The following DPP10 variants were observed in gnomAD, a reference collection of about 807,000 sequenced individuals.
DPP10 encodes dipeptidyl peptidase like 10, also known as inactive dipeptidyl peptidase 10.
In DPP10, 33 loss-of-function variants were observed where a neutral mutation model predicts 120.9. The ratio of observed to expected loss-of-function variants is 0.27; its 90% CI spans 0.21 to 0.37. The LOEUF (loss-of-function observed/expected upper bound fraction) is 0.37. Ranked by LOEUF, DPP10 falls within the 10% of genes least tolerant of loss-of-function variation. The pLI, the probability that DPP10 is intolerant of heterozygous loss-of-function variation, is 1.00. For synonymous variants in DPP10, 337 were observed against 326.1 expected, an observed-to-expected ratio of 1.03 and a Z score of -0.36; for missense variants, 816 against 942.8, an observed-to-expected ratio of 0.87 and a Z score of 1.76.
At chr2:114,473,206 G>A (rs1401904508) in intron 1 of DPP10, among the ~76,000 whole-genome samples, 4 of 152,058 alleles carry the variant, frequency 2.6e-5, no homozygotes, top group Middle Eastern at 3.2e-3. Flanking sequence ...GTGAACAATA[G>A]AAGGCATTTA....
rs370704208 is a variant in DPP10, at chr2:115,067,029, CAACTTTATGTCATTTTACCA to C, written c.61-242208_61-242189del. Among the ~76,000 whole-genome samples the C allele has an allele frequency of 9.2e-3, 1,395 of 152,208 alleles. 26 individuals carry two copies. Among genetic ancestry groups the C allele is most frequent in the African/African-American group, 0.032 (1,331 of 41,540 alleles). On this transcript the variant is annotated intron_variant, in intron 1 of 25. Coordinates refer to ENST00000410059, the MANE Select transcript of DPP10 (RefSeq NM_020868.6). ...AAAACTAATTCATTCTGCATAACTG[CAACTTTATGTCATTTTACCA>C]ATGTCTCCTCTTTTCCCTCACTCTC...
chr2:115,366,734 G>T (rs1409092566), intron 3 of DPP10, among the ~76,000 whole-genome samples: 1 of 152,042 alleles, frequency 6.6e-6, no homozygotes. Context: ...ATCCACAGGT[G>T]CAGTTGCCTA....
rs190531379 is a variant in DPP10 at position 115,102,104 on chromosome 2, C to T, written c.61-207135C>T. On this transcript the variant is annotated intron_variant, in intron 1 of 25. Transcript: ENST00000410059. ...ACAGACATTTATTTTCTCACAGTTC[C>T]GGAGGCTGGAGAGTCCAAGATCAAG... 1.5e-3 allele frequency among the ~76,000 whole-genome samples: 224 copies of T among 152,250 alleles called. 1 individual carries two copies. Among genetic ancestry groups the T allele is most frequent in the Middle Eastern group, 6.8e-3 (2 of 294 alleles).
intron 2 of DPP10, among the ~76,000 whole-genome samples, chr2:115,313,557 CA>C: frequency 6.6e-6 from 1 of 152,170 alleles, no homozygotes; most frequent in East Asian, 1.9e-4. Context: ...GTTATTTAGT[CA>C]AAGAAATGTT....
chr2:115,083,235 C>T (rs888048199), intron 1 of DPP10, among the ~76,000 whole-genome samples: 1 of 152,126 alleles, frequency 6.6e-6, no homozygotes, highest in Non-Finnish European at 1.5e-5. Flanking sequence ...GGATCTCCTC[C>T]ACTTTTTTTT....
chr2:115,341,251 T>C (rs2063428593), intron 2 of DPP10, among the ~76,000 whole-genome samples: 1 of 151,814 alleles, frequency 6.6e-6, no homozygotes, highest in South Asian at 2.1e-4. Flanking sequence ...ATACCCAGGG[T>C]TTTTTTAATA....
intron 11 of DPP10, among the ~76,000 whole-genome samples, chr2:115,753,774 G>A (rs1679055071): frequency 6.6e-6 from 1 of 152,048 alleles, no homozygotes; most frequent in African/African-American, 2.4e-5. Context: ...ACTCTGTTTT[G>A]AAATCAGGTT....
At position 115,363,178 on chromosome 2, in the gene DPP10, CTTTGAA is replaced by C. The variant is rs2064885733; in HGVS notation, c.271+19274_271+19279del. On this transcript the variant is annotated intron_variant, in intron 3 of 25. Transcript: ENST00000410059. ...TGTGTGTATATATTTTTCCCTTCTC[CTTTGAA>C]TTTGAATGTTCTCTGGGTTTTCTAC... Among the ~76,000 whole-genome samples the C allele has an allele frequency of 4.6e-5, 7 of 152,088 alleles. No homozygotes were observed. In the South Asian group the frequency reaches 1.2e-3, roughly 27 times the overall value.
chr2:115,775,655 AT>A (rs1428719250), intron 13 of DPP10, among the ~76,000 whole-genome samples: 2 of 152,112 alleles, frequency 1.3e-5, no homozygotes, highest in Admixed American at 1.3e-4. Flanking sequence ...AAATGAAAAA[AT>A]ATGGCATGTC....
chr2:115,321,012 G>C (rs2062030096), intron 2 of DPP10, among the ~76,000 whole-genome samples: 2 of 152,072 alleles, frequency 1.3e-5, no homozygotes, highest in Admixed American at 1.3e-4. Flanking sequence ...TGAAAGCTCT[G>C]TTCTTGGCTG....
intron 1 of DPP10, among the ~76,000 whole-genome samples, chr2:115,281,915 A>G (rs1206612876): frequency 6.6e-6 from 1 of 152,134 alleles, no homozygotes; most frequent in Non-Finnish European, 1.5e-5. Flanking sequence ...GTGACCCAAG[A>G]ATAATCTTTA....
At chr2:115,255,485 T>A (rs996747949) in intron 1 of DPP10, among the ~76,000 whole-genome samples, 3 of 152,234 alleles carry the variant, frequency 2.0e-5, no homozygotes, top group African/African-American at 7.2e-5. Context: ...AACACTCTGC[T>A]CCTTGTTACT....
rs537748759 is a variant in DPP10, at chr2:115,782,429, G to A, written c.1531+30G>A. The A allele has an allele frequency of 1.1e-5, 17 of 1,590,164 alleles. No individual in the cohort carries two copies. The South Asian group carries it at 1.8e-4, about 17-fold the overall frequency. ...GTACACAAGAAGACAATTAAGAATA[G>A]TTATGGTTGGCATTAGTCTTAGACA... On this transcript the variant is annotated intron_variant, in intron 17 of 25. Coordinates refer to ENST00000410059, the MANE Select transcript of DPP10 (RefSeq NM_020868.6).
At chr2:115,156,319 A>G (rs1418932536) in intron 1 of DPP10, among the ~76,000 whole-genome samples, 3 of 152,190 alleles carry the variant, frequency 2.0e-5, no homozygotes, top group African/African-American at 4.8e-5. Context: ...TAGAAAGTCA[A>G]TTGGTAGAGA....
In DPP10 at chr2:115,519,594, A is replaced by G. The variant is rs980295972; in HGVS notation, c.367-6304A>G. ...AAATTTTCTGCATATATAGCCAGCT[A>G]TAGCTACAGAGAACAATCAAGCCTT... is the stretch of plus-strand genomic sequence containing the variant. On this transcript the variant is annotated intron_variant, in intron 4 of 25. Transcript: ENST00000410059. Among the ~76,000 whole-genome samples the G allele has an allele frequency of 7.9e-5, 12 of 152,248 alleles. No individual in the cohort carries two copies. The East Asian group carries it at 2.3e-3, about 29-fold the overall frequency.
At chr2:115,804,072 C>G (rs1208789960) in intron 19 of DPP10, among the ~76,000 whole-genome samples, 1 of 152,080 alleles carries the variant, frequency 6.6e-6, no homozygotes, top group African/African-American at 2.4e-5. Flanking sequence ...GTACACCAAT[C>G]AGACGTAGAT....
At chr2:114,521,951 G>T (rs1289595342) in intron 1 of DPP10, among the ~76,000 whole-genome samples, 13 of 148,236 alleles carry the variant, frequency 8.8e-5, no homozygotes, top group African/African-American at 3.2e-4. Context: ...GGGACTACAG[G>T]CGCCCGCCAC....
chr2:115,614,452 G>A (rs1020389158), intron 5 of DPP10, among the ~76,000 whole-genome samples: 4 of 152,112 alleles, frequency 2.6e-5, no homozygotes, highest in Admixed American at 6.5e-5. Context: ...TTGGGACTGA[G>A]TCTCACTTTC....
intron 1 of DPP10, among the ~76,000 whole-genome samples, chr2:114,619,052 T>G (rs1693885032): frequency 6.6e-6 from 1 of 151,958 alleles, no homozygotes; most frequent in Non-Finnish European, 1.5e-5. Flanking sequence ...GGAAAGACAC[T>G]GTTGTGAAAT....
Sources: allele counts gnomAD v4.1 joint callset (sites outside exome capture counted in the v4.1 genomes callset), GRCh38; gene constraint gnomAD v4.1.1; transcripts MANE v1.5; gene names NCBI Gene and HGNC (gene_info 2026-07-23, HGNC 2026-07-21).